The following NRG2 variants were observed in gnomAD, a reference collection of about 807,000 sequenced individuals.
NRG2 encodes pro-neuregulin-2, membrane-bound isoform.
A neutral mutation model predicts 73.9 loss-of-function variants in NRG2; 27 were observed. That is an observed-to-expected ratio of 0.37 (90% CI 0.27 to 0.50). The LOEUF (loss-of-function observed/expected upper bound fraction) is 0.50, where lower values mean the gene tolerates loss of function less well. NRG2 is among the 20% of genes least tolerant of loss of function. The pLI is 0.96. For missense variants in NRG2, 1,126 were observed against 1,210.1 expected, an observed-to-expected ratio of 0.93 and a Z score of 1.03; for synonymous variants, 532 against 541.0, an observed-to-expected ratio of 0.98 and a Z score of 0.23.
chr5:140,031,402 C>G (rs1761141371), intron 1 of NRG2, among the ~76,000 whole-genome samples: 1 of 152,186 alleles, frequency 6.6e-6, no homozygotes. Flanking sequence ...TTAAAAGAAA[C>G]TCTTCACTTA....
intron 1 of NRG2, among the ~76,000 whole-genome samples, chr5:139,901,847 A>G (rs1218049115): frequency 2.7e-4 from 41 of 152,188 alleles, no homozygotes. Context: ...ATCCCCTTCC[A>G]AAGTCATTCT....
At chr5:140,017,759 G>A (rs1027032186) in intron 1 of NRG2, among the ~76,000 whole-genome samples, 11 of 152,144 alleles carry the variant, frequency 7.2e-5, no homozygotes, top group Admixed American at 2.6e-4. Flanking sequence ...GATTGGTTGC[G>A]AAAGAGAAGA....
intron 9 of NRG2, among the ~76,000 whole-genome samples, chr5:139,850,685 CA>C (rs1472989197): frequency 6.6e-6 from 1 of 152,238 alleles, no homozygotes; most frequent in Admixed American, 6.5e-5. Context: ...AGCAAGGTGG[CA>C]GGGGTGCTGG....
chr5:140,019,742 T>C (rs889077585), intron 1 of NRG2: 1 of 152,208 alleles, frequency 6.6e-6, no homozygotes, highest in African/African-American at 2.4e-5. Context: ...GTTGTGAGAC[T>C]CAAATAAGTA....
chr5:139,951,859 G>A (rs758076951), intron 1 of NRG2, among the ~76,000 whole-genome samples: 2 of 152,326 alleles, frequency 1.3e-5, no homozygotes, highest in South Asian at 2.1e-4. Context: ...GACAAGGCTC[G>A]CAGCCTCAGG....
intron 1 of NRG2, among the ~76,000 whole-genome samples, chr5:139,938,278 T>C (rs891412979): frequency 6.6e-6 from 1 of 152,118 alleles, no homozygotes; most frequent in African/African-American, 2.4e-5. Context: ...ATAAAATGTA[T>C]GTGGAAATGC....
intron 1 of NRG2, among the ~76,000 whole-genome samples, chr5:139,911,820 T>C (rs2127196419): frequency 6.6e-6 from 1 of 152,336 alleles, no homozygotes; most frequent in Non-Finnish European, 1.5e-5. Context: ...AACTACATAA[T>C]TGCACAGCAA....
chr5:139,902,724 T>C (rs1404288854), intron 1 of NRG2, among the ~76,000 whole-genome samples: 1 of 151,634 alleles, frequency 6.6e-6, no homozygotes, highest in Non-Finnish European at 1.5e-5. Context: ...GGGAGTGGGG[T>C]GGGTAATGGA....
intron 1 of NRG2, among the ~76,000 whole-genome samples, chr5:139,956,999 C>T (rs1754672826): frequency 6.6e-6 from 1 of 152,186 alleles, no homozygotes; most frequent in African/African-American, 2.4e-5. Context: ...CTCATCAGCA[C>T]TTTGAAAGGA....
intron 1 of NRG2, among the ~76,000 whole-genome samples, chr5:139,991,411 G>T (rs1757618755): frequency 6.6e-6 from 1 of 151,912 alleles, no homozygotes; most frequent in South Asian, 2.1e-4. Context: ...TTTCTACTAA[G>T]AATTTTTAAG....
intron 1 of NRG2, among the ~76,000 whole-genome samples, chr5:139,911,398 G>A (rs1314065590): frequency 1.3e-5 from 2 of 152,180 alleles, no homozygotes; most frequent in Non-Finnish European, 2.9e-5. Context: ...ATGACCCCCA[G>A]GCCCAAGAGG....
rs1561623276 is a variant in NRG2 at position 139,852,418 on chromosome 5, T to A, written c.1544+14A>T. The A allele has an allele frequency of 1.2e-6, 2 of 1,611,174 alleles. No homozygotes were observed. The highest frequency in any genetic ancestry group is 1.7e-6 in the Non-Finnish European group (2 of 1,178,898). On this transcript the variant is annotated intron_variant, in intron 8 of 9. Coordinates refer to ENST00000361474, the MANE Select transcript of NRG2 (RefSeq NM_004883.3). The surrounding 1 kb of genome is among the most constrained non-coding windows in gnomAD (Gnocchi z 4.4). Reference sequence around the variant, plus strand: ...GTGAGTCTACAAGTTTCCATGGGCCTTGGTGGTGCCTACCTGTGGCTGGAG... The same window carrying A: ...GTGAGTCTACAAGTTTCCATGGGCCATGGTGGTGCCTACCTGTGGCTGGAG...
At chr5:139,913,748 A>G (rs1751033453) in intron 1 of NRG2, among the ~76,000 whole-genome samples, 1 of 152,232 alleles carries the variant, frequency 6.6e-6, no homozygotes, top group East Asian at 1.9e-4. Context: ...GGAGGACAAC[A>G]CTTACACAGA....
chr5:139,979,023 G>A (rs546055281), intron 1 of NRG2, among the ~76,000 whole-genome samples: 1 of 147,504 alleles, frequency 6.8e-6, no homozygotes, highest in African/African-American at 2.5e-5. Flanking sequence ...ACTCATAGGT[G>A]GGAATTGAAC....
In NRG2 at chr5:139,852,827, G is replaced by C. The variant is rs1035165525; in HGVS notation, c.1416+77C>G. The C allele has an allele frequency of 6.3e-7, 1 of 1,593,290 alleles. No individual in the cohort carries two copies. The highest frequency in any genetic ancestry group is 8.5e-7 in the Non-Finnish European group (1 of 1,172,832). ...ATGGGATAGGCTGGCTGCTGCCCTG[G>C]CCCATCCTTGCAGGGGGCATGAGAA... On this transcript the variant is annotated intron_variant, in intron 7 of 9. Coordinates refer to ENST00000361474, the MANE Select transcript of NRG2 (RefSeq NM_004883.3). This position sits in a 1 kb window ranked among gnomAD's most constrained non-coding sequence, Gnocchi z 4.4.
Position 139,861,000 on chromosome 5 carries a change from A to G in NRG2, c.1189+4549T>C, listed in dbSNP as rs560644636. ...GAGGTGGGAGCCCAGAAATCTCAAC[A>G]GTGTTTTTAAAAAGCTCACCTACCA... is the stretch of plus-strand genomic sequence containing the variant. On this transcript the variant is annotated intron_variant, in intron 5 of 9. Coordinates refer to ENST00000361474, the MANE Select transcript of NRG2 (RefSeq NM_004883.3). Among the ~76,000 whole-genome samples the G allele has an allele frequency of 6.6e-5, 10 of 152,302 alleles. No homozygotes were observed. In the South Asian group the frequency reaches 1.7e-3, roughly 25 times the overall value.
chr5:139,987,060 G>A (rs1018415368), intron 1 of NRG2, among the ~76,000 whole-genome samples: 3 of 151,944 alleles, frequency 2.0e-5, no homozygotes, highest in Non-Finnish European at 4.4e-5. Context: ...CATATGCTAA[G>A]GAGCCTTTCC....
intron 1 of NRG2, among the ~76,000 whole-genome samples, chr5:139,991,202 G>A (rs1309209963): frequency 2.6e-5 from 4 of 151,936 alleles, no homozygotes; most frequent in Admixed American, 6.6e-5. Context: ...CTTGAATCCC[G>A]GAGGCAGAGG....
chr5:139,989,480 C>G (rs1757412159), intron 1 of NRG2, among the ~76,000 whole-genome samples: 1 of 152,066 alleles, frequency 6.6e-6, no homozygotes, highest in Non-Finnish European at 1.5e-5. Flanking sequence ...AGGCAGCCAT[C>G]AACCTGAATC....
Sources: gnomAD v4.1 joint callset for allele counts (sites outside exome capture counted in the v4.1 genomes callset) on GRCh38, gnomAD v4.1.1 for gene constraint, Gnocchi (gnomAD v3.1) non-coding constraint, MANE v1.5 for transcripts, NCBI Gene and HGNC (gene_info 2026-07-23, HGNC 2026-07-21) for gene names.